The following DPP6 variants were observed in gnomAD, a reference collection of about 807,000 sequenced individuals.
The protein encoded by DPP6 is A-type potassium channel modulatory protein DPP6.
A neutral mutation model predicts 122.6 loss-of-function variants in DPP6; 69 were observed. That is an observed-to-expected ratio of 0.56 (90% CI 0.46 to 0.69). The LOEUF (loss-of-function observed/expected upper bound fraction) is 0.69. Among genes scored for constraint, DPP6 ranks in the 30% least tolerant of loss-of-function variants. DPP6 has a pLI of 0.00. For synonymous variants in DPP6, 418 were observed against 433.1 expected, an observed-to-expected ratio of 0.97 and a Z score of 0.43; for missense variants, 928 against 1,116.9, an observed-to-expected ratio of 0.83 and a Z score of 2.41.
At chr7:154,345,619 G>C (rs913861728) in intron 1 of DPP6, among the ~76,000 whole-genome samples, 1 of 152,120 alleles carries the variant, frequency 6.6e-6, no homozygotes, top group Admixed American at 6.5e-5. Context: ...ACCTGTTGCT[G>C]TCCACGCCCC....
intron 1 of DPP6, among the ~76,000 whole-genome samples, chr7:153,915,271 C>A (rs761217295): frequency 4.6e-5 from 7 of 152,082 alleles, no homozygotes; most frequent in Non-Finnish European, 8.8e-5. Flanking sequence ...AGTTTGTGAC[C>A]CATTTTCTGG....
At chr7:154,800,027 G>A (rs975343017) in intron 12 of DPP6, among the ~76,000 whole-genome samples, 2 of 152,160 alleles carry the variant, frequency 1.3e-5, no homozygotes, top group African/African-American at 2.4e-5. Flanking sequence ...TTTATTTAGA[G>A]TATCTTTGTC....
At chr7:154,174,826 C>G (rs1797712810) in intron 1 of DPP6, among the ~76,000 whole-genome samples, 1 of 151,920 alleles carries the variant, frequency 6.6e-6, no homozygotes, top group Non-Finnish European at 1.5e-5. Flanking sequence ...TTCTCTTACC[C>G]TCTTTGTTAT....
chr7:153,860,077 T>A, the DPP6 span, among the ~76,000 whole-genome samples: 17 of 152,338 alleles, frequency 1.1e-4, 1 homozygote, highest in Admixed American at 9.8e-4. Flanking sequence ...TCACTCAATT[T>A]AGGTTGCTGT....
At chr7:154,592,035 GT>G (rs1003089828) in intron 5 of DPP6, among the ~76,000 whole-genome samples, 8 of 152,244 alleles carry the variant, frequency 5.3e-5, no homozygotes, top group African/African-American at 1.4e-4. Flanking sequence ...CGGGAATCTA[GT>G]GGGGATGGGC....
intron 16 of DPP6, among the ~76,000 whole-genome samples, chr7:154,818,622 G>A (rs1018062685): frequency 1.3e-5 from 2 of 152,122 alleles, no homozygotes; most frequent in African/African-American, 4.8e-5. Flanking sequence ...CAAATGGTTT[G>A]GTTCTACAAA....
intron 3 of DPP6, among the ~76,000 whole-genome samples, chr7:154,476,105 GGCTGTT>G (rs1822712375): frequency 1.3e-5 from 2 of 152,162 alleles, no homozygotes; most frequent in African/African-American, 4.8e-5. Flanking sequence ...AATGACTCTT[GGCTGTT>G]AGTCTCCTGC....
chr7:154,218,007 C>T (rs924195572), intron 1 of DPP6, among the ~76,000 whole-genome samples: 1 of 152,228 alleles, frequency 6.6e-6, no homozygotes, highest in African/African-American at 2.4e-5. Flanking sequence ...TTATTTCTCT[C>T]AGCATCCTGA....
chr7:154,328,707 A>C (rs1808656050), intron 1 of DPP6, among the ~76,000 whole-genome samples: 1 of 152,194 alleles, frequency 6.6e-6, no homozygotes, highest in African/African-American at 2.4e-5. Flanking sequence ...GGGTTTACTT[A>C]ATGGAGGGTG....
chr7:154,075,126 A>G (rs978685810), intron 1 of DPP6, among the ~76,000 whole-genome samples: 2 of 152,120 alleles, frequency 1.3e-5, no homozygotes, highest in Non-Finnish European at 2.9e-5. Flanking sequence ...TCCTGCACAA[A>G]TGGCCATAAT....
intron 1 of DPP6, among the ~76,000 whole-genome samples, chr7:154,006,170 T>C (rs2533550): frequency 6.6e-6 from 1 of 152,310 alleles, no homozygotes; most frequent in African/African-American, 2.4e-5. Context: ...GCATCTGCCC[T>C]GACCTTGGCC....
the DPP6 span, among the ~76,000 whole-genome samples, chr7:153,771,374 C>T: frequency 6.6e-6 from 1 of 152,212 alleles, no homozygotes; most frequent in Non-Finnish European, 1.5e-5. Context: ...GAGTCTCACT[C>T]TGCCTCCCAG....
intron 1 of DPP6, among the ~76,000 whole-genome samples, chr7:154,244,142 G>A (rs375988008): frequency 6.6e-6 from 1 of 152,030 alleles, no homozygotes; most frequent in East Asian, 1.9e-4. Context: ...AGAGAAAACT[G>A]TCAAAGCAGT....
At chr7:154,315,461 A>G (rs1299324367) in intron 1 of DPP6, among the ~76,000 whole-genome samples, 1 of 152,058 alleles carries the variant, frequency 6.6e-6, no homozygotes, top group East Asian at 1.9e-4. Context: ...TTGAGTTCCT[A>G]AGGTTCACAT....
At chr7:153,978,929 C>A (rs567740216) in intron 1 of DPP6, among the ~76,000 whole-genome samples, 1 of 152,066 alleles carries the variant, frequency 6.6e-6, no homozygotes, top group African/African-American at 2.4e-5. Context: ...GTAACAGTAC[C>A]GTGCTGTTTT....
At chr7:153,963,550 T>A (rs890432241) in intron 1 of DPP6, among the ~76,000 whole-genome samples, 4 of 150,854 alleles carry the variant, frequency 2.7e-5, no homozygotes, top group Non-Finnish European at 5.9e-5. Context: ...TGTGAATCAA[T>A]ATGTGTCTAC....
At chr7:154,861,337 T>G (rs935481058) in intron 17 of DPP6, among the ~76,000 whole-genome samples, 2 of 152,228 alleles carry the variant, frequency 1.3e-5, no homozygotes, top group African/African-American at 4.8e-5. Context: ...AAAATAAGTT[T>G]TTAGCATATT....
intron 1 of DPP6, among the ~76,000 whole-genome samples, chr7:154,231,650 A>G (rs1301261526): frequency 6.6e-6 from 1 of 152,186 alleles, no homozygotes; most frequent in African/African-American, 2.4e-5. Flanking sequence ...TCAGACAGGC[A>G]GGCAGCTTCT....
At chr7:154,284,028 A>G (rs1450361270) in intron 1 of DPP6, among the ~76,000 whole-genome samples, 1 of 152,196 alleles carries the variant, frequency 6.6e-6, no homozygotes, top group Non-Finnish European at 1.5e-5. Flanking sequence ...CATGACATCC[A>G]TGTTAGATAA....
Sources: allele counts gnomAD v4.1 joint callset (sites outside exome capture counted in the v4.1 genomes callset), GRCh38; gene constraint gnomAD v4.1.1; transcripts MANE v1.5; gene names NCBI Gene and HGNC (gene_info 2026-07-23, HGNC 2026-07-21).